CPEB4: variants seen among roughly 807,000 people sequenced by gnomAD.
The protein encoded by CPEB4 is cytoplasmic polyadenylation element-binding protein 4.
Under a neutral mutation model 72.5 loss-of-function variants are expected in CPEB4, and 12 were observed. That is an observed-to-expected ratio of 0.17 (90% CI 0.11 to 0.27). CPEB4 has a LOEUF of 0.27. CPEB4 is among the 10% of genes least tolerant of loss of function. The pLI is 1.00. For synonymous variants in CPEB4, 302 were observed against 326.3 expected (o/e 0.93, Z 0.80); for missense variants, 614 against 908.5 (o/e 0.68, Z 4.17).
Position 173,932,435 on chromosome 5 carries a change from T to C in CPEB4, c.1208-15T>C. 1.9e-6 allele frequency: 3 copies of C among 1,606,786 alleles called. No homozygotes were observed. The highest frequency in any genetic ancestry group is 2.2e-5 in the East Asian group (1 of 44,680). ...GAAAAAAGTAAACTTAGTAACGGCC[T>C]TCTTTTACCTTCAGGTCGTCTAAAC... On this transcript the variant is annotated splice_polypyrimidine_tract_variant and intron_variant, in intron 2 of 9. Transcript: ENST00000265085.
Position 173,889,600 on chromosome 5 carries a change from A to C in CPEB4, c.-134A>C, listed in dbSNP as rs980200130. 4.1e-6 allele frequency: 3 copies of C among 740,478 alleles called. No homozygotes were observed. The African/African-American group carries it at 5.3e-5, about 13-fold the overall frequency. The allele number at this position is 740,478 out of a possible 1,614,324, so 45.9% of individuals were successfully genotyped here. A position where few individuals can be genotyped will look rare whatever the true frequency, so the allele number is the denominator to read the frequency against. ...GAACAATTTAAGGTGATAAGCTGCGATCTTTGAGCTAGCTATAAATAAGAC... is the reference window on the plus strand; with the variant it reads ...GAACAATTTAAGGTGATAAGCTGCGCTCTTTGAGCTAGCTATAAATAAGAC... On this transcript the variant is annotated 5_prime_UTR_variant, in exon 1 of 10. Transcript: ENST00000265085.
At chr5:173,904,932 C>T (rs1161019575) in intron 1 of CPEB4, among the ~76,000 whole-genome samples, 2 of 150,742 alleles carry the variant, frequency 1.3e-5, no homozygotes, top group Admixed American at 6.6e-5. Flanking sequence ...GATTGTGCCA[C>T]TGCACTCCAA....
At chr5:173,923,050 G>C (rs531649435) in intron 2 of CPEB4, among the ~76,000 whole-genome samples, 129 of 152,286 alleles carry the variant, frequency 8.5e-4, no homozygotes, top group African/African-American at 2.8e-3. Flanking sequence ...TAGGTAGTGG[G>C]CCTTCTGAGA....
chr5:173,928,304 T>C (rs1757319896), intron 2 of CPEB4, among the ~76,000 whole-genome samples: 1 of 152,154 alleles, frequency 6.6e-6, no homozygotes, highest in South Asian at 2.1e-4. Flanking sequence ...GTGTAACAAA[T>C]GTATAGGTTG....
intron 1 of CPEB4, among the ~76,000 whole-genome samples, chr5:173,904,005 A>C (rs1304703727): frequency 2.0e-5 from 3 of 152,252 alleles, no homozygotes; most frequent in Admixed American, 6.5e-5. Context: ...CATGCAACTC[A>C]GTATATTAAA....
chr5:173,917,268 G>T (rs1756901648), intron 2 of CPEB4, among the ~76,000 whole-genome samples: 1 of 152,154 alleles, frequency 6.6e-6, no homozygotes, highest in African/African-American at 2.4e-5. Context: ...TAGGAATGGT[G>T]GGGAGAGTAT....
intron 2 of CPEB4, among the ~76,000 whole-genome samples, chr5:173,911,302 G>A (rs1429815348): frequency 1.4e-5 from 2 of 146,718 alleles, no homozygotes; most frequent in African/African-American, 5.0e-5. Flanking sequence ...ACGGAGTCTT[G>A]CCCTGTCGCC....
rs1164890487 is a variant in CPEB4 at position 173,960,871 on chromosome 5, A to G, written c.*4734A>G. 6.7e-6 allele frequency: 1 copy of G among 149,912 alleles called. No individual in the cohort carries two copies. The highest frequency in any genetic ancestry group is 1.5e-5 in the Non-Finnish European group (1 of 68,020). 9.3% of individuals were successfully genotyped at this position (149,912 alleles called of 1,614,324 possible). A position where few individuals can be genotyped will look rare whatever the true frequency, so the allele number is the denominator to read the frequency against. The stretch of plus-strand genomic sequence containing the variant: ...ATGTCAATTGAAAATATTATCTTTG[A>G]TTTGATCCATTAATCATGTGGACTA... On this transcript the variant is annotated 3_prime_UTR_variant, in exon 10 of 10. Transcript: ENST00000265085.
intron 2 of CPEB4, among the ~76,000 whole-genome samples, chr5:173,931,905 C>A (rs1338975716): frequency 6.6e-6 from 1 of 152,120 alleles, no homozygotes; most frequent in African/African-American, 2.4e-5. Flanking sequence ...AGGAAAGTAA[C>A]CCAGCATTTA....
In CPEB4 at chr5:173,955,676, T is replaced by C. The variant is rs1373172998; in HGVS notation, c.1963-234T>C. The stretch of plus-strand genomic sequence containing the variant: ...ACTTCATGATGTCTGCTCAAATCCT[T>C]TTTCCTTTAAAGGATGTTTATTTAA... On this transcript the variant is annotated intron_variant, in intron 9 of 9. Transcript: ENST00000265085. This position sits in a 1 kb window ranked among gnomAD's most constrained non-coding sequence, Gnocchi z 4.7. Among the ~76,000 whole-genome samples, 1 of 152,148 alleles carries C rather than the reference T, an allele frequency of 6.6e-6. No individual in the cohort carries two copies. The highest frequency in any genetic ancestry group is 1.5e-5 in the Non-Finnish European group (1 of 68,014).
intron 1 of CPEB4, chr5:173,893,211 AC>A (rs1755880385): frequency 6.6e-6 from 1 of 152,254 alleles, no homozygotes; most frequent in South Asian, 2.1e-4. Flanking sequence ...TGTGATTCTT[AC>A]TTAAATGGAT....
intron 2 of CPEB4, among the ~76,000 whole-genome samples, chr5:173,923,181 T>C (rs1757130589): frequency 6.6e-6 from 1 of 152,240 alleles, no homozygotes. Context: ...TAGATAGGTC[T>C]GTATGCAGAA....
chr5:173,939,661 C>A (rs530866457), intron 3 of CPEB4, among the ~76,000 whole-genome samples: 51 of 151,582 alleles, frequency 3.4e-4, no homozygotes, highest in South Asian at 1.0e-3. Context: ...TGTAAGCAAT[C>A]CTGTAAAGAC....
Position 173,951,854 on chromosome 5 carries a change from A to G in CPEB4, c.1696A>G (p.Ser566Gly). Residue 566 changes from serine to glycine, a missense_variant, in exon 8 of 10, where the codon AGT becomes GGT. This residue lies in a region of CPEB4 where 101 missense variants were observed against 243.1 expected (regional missense o/e 0.42). Coordinates refer to ENST00000265085, the MANE Select transcript of CPEB4 (RefSeq NM_030627.4). Reference sequence around the variant, plus strand: ...GATTCGGCCTTGGAATCTCAGTGACAGTGACTTTGTGATGGATGGTTCACA... The same window carrying G: ...GATTCGGCCTTGGAATCTCAGTGACGGTGACTTTGTGATGGATGGTTCACA... ...VQIRPWNLSD[S>G]DFVMDGSQPL... 1 of 1,613,774 alleles carries G rather than the reference A, an allele frequency of 6.2e-7. No individual in the cohort carries two copies. Among genetic ancestry groups the G allele is most frequent in the South Asian group, 1.1e-5 (1 of 91,074 alleles).
At chr5:173,947,802 T>G (rs979759978) in intron 5 of CPEB4, among the ~76,000 whole-genome samples, 6 of 152,144 alleles carry the variant, frequency 3.9e-5, no homozygotes, top group African/African-American at 1.4e-4. Flanking sequence ...ATAGAGCACC[T>G]GTAACTTAGT....
Position 173,920,843 on chromosome 5 carries a change from G to A in CPEB4, c.1207+10239G>A, listed in dbSNP as rs1295896316. 3.9e-5 allele frequency among the ~76,000 whole-genome samples: 6 copies of A among 152,186 alleles called. No homozygotes were observed. The East Asian group carries it at 1.2e-3, about 29-fold the overall frequency. On this transcript the variant is annotated intron_variant, in intron 2 of 9. Transcript: ENST00000265085. ...TTCATATGGAGTAGTTTGTATAAGGGCTATAATCAGAGATCAGATTTAGTC... is the reference window on the plus strand; with the variant it reads ...TTCATATGGAGTAGTTTGTATAAGGACTATAATCAGAGATCAGATTTAGTC...
chr5:173,893,755 T>C (rs1356697513), intron 1 of CPEB4, among the ~76,000 whole-genome samples: 1 of 152,226 alleles, frequency 6.6e-6, no homozygotes, highest in Non-Finnish European at 1.5e-5. Flanking sequence ...TTAGGCAATG[T>C]TTATTTTAAT....
chr5:173,891,455 T>C (rs1755807083), intron 1 of CPEB4: 1 of 152,248 alleles, frequency 6.6e-6, no homozygotes, highest in Non-Finnish European at 1.5e-5. Flanking sequence ...GTAAGGACTA[T>C]CTAGTGAGAG....
At chr5:173,953,943 G>C (rs1181459312) in intron 9 of CPEB4, among the ~76,000 whole-genome samples, 5 of 152,078 alleles carry the variant, frequency 3.3e-5, no homozygotes, top group African/African-American at 4.8e-5. Flanking sequence ...TTTGTAGTGA[G>C]ATAGGAATTT....
Sources: gnomAD v4.1 joint callset for allele counts (sites outside exome capture counted in the v4.1 genomes callset) on GRCh38, gnomAD v4.1.1 for gene constraint, gnomAD v4.1.1 regional missense constraint, Gnocchi (gnomAD v3.1) non-coding constraint, MANE v1.5 for transcripts, NCBI Gene and HGNC (gene_info 2026-07-23, HGNC 2026-07-21) for gene names.